RARS2: variants seen among roughly 807,000 people sequenced by gnomAD.
RARS2 encodes arginyl-tRNA synthetase 2, mitochondrial.
A neutral mutation model predicts 88.5 loss-of-function variants in RARS2; 67 were observed. That is an observed-to-expected ratio of 0.76 (90% CI 0.62 to 0.93). RARS2 has a LOEUF of 0.93. Ranked by LOEUF, RARS2 falls within the 40% of genes least tolerant of loss-of-function variation. The probability of loss-of-function intolerance (pLI) is 0.00; values close to 1 mark genes in which losing one functional copy is unlikely to be tolerated. For missense variants in RARS2, 664 were observed against 684.2 expected (o/e 0.97, Z 0.33); for synonymous variants, 239 against 230.3 (o/e 1.04, Z -0.34).
chr6:87,534,203 A>C (rs1454587924), intron 8 of RARS2, among the ~76,000 whole-genome samples: 5 of 152,228 alleles, frequency 3.3e-5, no homozygotes, highest in African/African-American at 1.2e-4. Context: ...TGAATGTATC[A>C]ATACTGCAAA....
In RARS2 at chr6:87,564,196, T is replaced by A. The variant is rs752788922; in HGVS notation, c.147A>T (p.Leu49Phe). Reference protein sequence around the residue: ...VADFQLSVDSLLEKDNDHSRP... With the variant: ...VADFQLSVDSFLEKDNDHSRP... Reference sequence around the variant, plus strand: ...TTGAATGGTCATTGTCTTTTTCCAATAAAGAATCCACAGAAAGCTGAAAAT... The same window carrying A: ...TTGAATGGTCATTGTCTTTTTCCAAAAAAGAATCCACAGAAAGCTGAAAAT... The change falls in exon 3 of 20, where the codon TTA becomes TTT. Residue 49 changes from leucine (L) to phenylalanine (F), a missense_variant. Transcript: ENST00000369536. The A allele has an allele frequency of 6.2e-7, 1 of 1,613,696 alleles. No individual in the cohort carries two copies. The highest frequency in any genetic ancestry group is 1.1e-5 in the South Asian group (1 of 91,084).
intron 1 of RARS2, among the ~76,000 whole-genome samples, chr6:87,586,238 T>C (rs1775114337): frequency 6.6e-6 from 1 of 152,100 alleles, no homozygotes; most frequent in African/African-American, 2.4e-5. Flanking sequence ...GCAGCAGCAA[T>C]AGTGTAGATG....
At chr6:87,584,159 T>C (rs1452176433) in intron 1 of RARS2, among the ~76,000 whole-genome samples, 1 of 152,198 alleles carries the variant, frequency 6.6e-6, no homozygotes, top group Non-Finnish European at 1.5e-5. Flanking sequence ...TGTAACACAG[T>C]ACACAGCTTA....
At chr6:87,588,365 G>A (rs1401363251) in intron 1 of RARS2, among the ~76,000 whole-genome samples, 1 of 151,894 alleles carries the variant, frequency 6.6e-6, no homozygotes, top group Non-Finnish European at 1.5e-5. Context: ...AGCTTTTCAC[G>A]TTTTTTATTT....
chr6:87,581,696 T>C (rs994752209), intron 1 of RARS2, among the ~76,000 whole-genome samples: 2 of 152,156 alleles, frequency 1.3e-5, no homozygotes, highest in Admixed American at 1.3e-4. Flanking sequence ...TATCAACCCA[T>C]CACCTAGGTA....
At chr6:87,583,227 G>A (rs114650864) in intron 1 of RARS2, among the ~76,000 whole-genome samples, 2,376 of 152,296 alleles carry the variant, frequency 0.016, 60 homozygotes, top group African/African-American at 0.053. Flanking sequence ...ATATGGAGTT[G>A]TTGGTACTAT....
intron 1 of RARS2, among the ~76,000 whole-genome samples, chr6:87,584,425 C>A (rs1774512318): frequency 6.6e-6 from 1 of 152,058 alleles, no homozygotes. Flanking sequence ...ATTAATAGCC[C>A]TATAAAGCAA....
At chr6:87,547,764 T>C (rs1234234429) in intron 6 of RARS2, among the ~76,000 whole-genome samples, 4 of 151,796 alleles carry the variant, frequency 2.6e-5, no homozygotes, top group Non-Finnish European at 5.9e-5. Context: ...CTCAGCCTCC[T>C]GAGTAGCTGG....
chr6:87,550,523 A>G (rs2128131603), intron 5 of RARS2, among the ~76,000 whole-genome samples: 1 of 151,234 alleles, frequency 6.6e-6, no homozygotes, highest in South Asian at 2.1e-4. Context: ...TAATACAGAT[A>G]AAAGTAAAGC....
At chr6:87,569,405 A>T in intron 2 of RARS2, 112 bp downstream of exon 2, 1 of 795,234 alleles carries the variant, frequency 1.3e-6, no homozygotes, top group Non-Finnish European at 2.2e-6. Flanking sequence ...TCTTACAGTT[A>T]ATTTCAAGGA....
chr6:87,571,712 C>T (rs893590868), intron 1 of RARS2, among the ~76,000 whole-genome samples: 3 of 152,174 alleles, frequency 2.0e-5, no homozygotes, highest in African/African-American at 7.2e-5. Flanking sequence ...ACCACTGTCT[C>T]TTGATTAATA....
At chr6:87,580,591 C>CAAA (rs71018102) in intron 1 of RARS2, among the ~76,000 whole-genome samples, 4 of 136,706 alleles carry the variant, frequency 2.9e-5, no homozygotes, top group African/African-American at 5.4e-5. Flanking sequence ...AACCCTGTCT[C>CAAA]AAAAAAAAAA....
intron 1 of RARS2, among the ~76,000 whole-genome samples, chr6:87,571,305 C>T (rs1769634309): frequency 6.6e-6 from 1 of 152,218 alleles, no homozygotes; most frequent in African/African-American, 2.4e-5. Context: ...GCTTCCCCTT[C>T]TGCAACGATT....
At position 87,518,770 on chromosome 6, in the gene RARS2, G is replaced by T. The variant is rs188174893; in HGVS notation, c.1306-31C>A. On this transcript the variant is annotated intron_variant, in intron 15 of 19. Transcript: ENST00000369536. ...ACGACAGAGGAAATCTTCACTGCTGGGATTTGCTCTAGTACCAAACAAAAG... is the reference window on the plus strand; with the variant it reads ...ACGACAGAGGAAATCTTCACTGCTGTGATTTGCTCTAGTACCAAACAAAAG... 206 of 1,611,394 alleles carry T rather than the reference G, an allele frequency of 1.3e-4. 1 individual carries two copies. The African/African-American group carries it at 2.5e-3, about 20-fold the overall frequency.
intron 10 of RARS2, among the ~76,000 whole-genome samples, chr6:87,528,242 C>CAAAAAAAAA (rs71018029): frequency 8.4e-6 from 1 of 119,690 alleles, no homozygotes. Flanking sequence ...GCTTTTATAA[C>CAAAAAAAAA]AAAAAAAAAA....
chr6:87,544,653 T>C (rs1403654616), intron 7 of RARS2, among the ~76,000 whole-genome samples: 1 of 152,252 alleles, frequency 6.6e-6, no homozygotes, highest in Non-Finnish European at 1.5e-5. Context: ...CGTCCTTCAC[T>C]ACCATAACAA....
At chr6:87,545,584 G>A (rs1263417149) in intron 7 of RARS2, 32 bp downstream of exon 7, 1 of 1,610,812 alleles carries the variant, frequency 6.2e-7, no homozygotes, top group East Asian at 2.2e-5. Flanking sequence ...ATTTTACAAT[G>A]AAATGAAAAA....
intron 4 of RARS2, among the ~76,000 whole-genome samples, chr6:87,557,103 A>T (rs1185888189): frequency 1.3e-5 from 2 of 152,234 alleles, no homozygotes; most frequent in African/African-American, 4.8e-5. Flanking sequence ...ATAAAGTGCT[A>T]GGTCCAAGAC....
chr6:87,554,208 C>T (rs946944395), intron 5 of RARS2, among the ~76,000 whole-genome samples: 1 of 152,112 alleles, frequency 6.6e-6, no homozygotes, highest in Non-Finnish European at 1.5e-5. Context: ...AAGACAAATG[C>T]AACATCTCTG....
Sources: gnomAD v4.1 joint callset for allele counts (sites outside exome capture counted in the v4.1 genomes callset) on GRCh38, gnomAD v4.1.1 for gene constraint, MANE v1.5 for transcripts, NCBI Gene and HGNC (gene_info 2026-07-23, HGNC 2026-07-21) for gene names.